FAM222B: variants seen among roughly 807,000 people sequenced by gnomAD.
FAM222B encodes family with sequence similarity 222 member B, also known as protein FAM222B.
FAM222B carries 12 observed loss-of-function variants against 38.0 expected under a neutral mutation model. That is an observed-to-expected ratio of 0.32 (90% CI 0.20 to 0.51). The LOEUF (loss-of-function observed/expected upper bound fraction) is 0.51. FAM222B is among the 20% of genes least tolerant of loss of function. The pLI is 0.97. For missense variants in FAM222B, 716 were observed against 754.2 expected, an observed-to-expected ratio of 0.95 and a Z score of 0.59; for synonymous variants, 329 against 317.2, an observed-to-expected ratio of 1.04 and a Z score of -0.40.
intron 1 of FAM222B, among the ~76,000 whole-genome samples, chr17:28,799,741 TG>T (rs1362037607): frequency 6.6e-6 from 1 of 152,094 alleles, no homozygotes; most frequent in Non-Finnish European, 1.5e-5. Context: ...CTGAGTAAGC[TG>T]GGACTACAGG....
chr17:28,763,202 G>C (rs2035169262), intron 2 of FAM222B, among the ~76,000 whole-genome samples: 2 of 152,204 alleles, frequency 1.3e-5, no homozygotes, highest in African/African-American at 2.4e-5. Context: ...CATACTGAGA[G>C]CCTGTCATTC....
At chr17:28,765,032 AC>A (rs2035263760) in intron 2 of FAM222B, among the ~76,000 whole-genome samples, 3 of 152,186 alleles carry the variant, frequency 2.0e-5, no homozygotes, top group Non-Finnish European at 4.4e-5. Context: ...CACCTTCATC[AC>A]CCAATCATCA....
intron 1 of FAM222B, among the ~76,000 whole-genome samples, chr17:28,771,912 A>T (rs1386115707): frequency 1.3e-5 from 2 of 151,994 alleles, no homozygotes; most frequent in African/African-American, 2.4e-5. Flanking sequence ...AAAATTAGCC[A>T]GGTGTTTGGT....
intron 1 of FAM222B, among the ~76,000 whole-genome samples, chr17:28,828,195 C>A (rs1481813536): frequency 6.8e-6 from 1 of 146,916 alleles, no homozygotes; most frequent in Admixed American, 7.0e-5. Context: ...ACAGCAACCT[C>A]CGCCTCCCGG....
At chr17:28,815,214 CTTT>C (rs71135857) in intron 1 of FAM222B, among the ~76,000 whole-genome samples, 5 of 143,664 alleles carry the variant, frequency 3.5e-5, no homozygotes, top group African/African-American at 5.1e-5. Context: ...TTTATTACAT[CTTT>C]TTTTTTTTTT....
intron 1 of FAM222B, among the ~76,000 whole-genome samples, chr17:28,804,210 TTC>T (rs1281341075): frequency 1.6e-4 from 24 of 152,180 alleles, no homozygotes; most frequent in African/African-American, 5.8e-4. Context: ...ACCACCAGCT[TTC>T]CTGGTTCTCG....
rs1023361198 is a variant in FAM222B at position 28,771,417 on chromosome 17, C to G, written c.-40-4710G>C. On this transcript the variant is annotated intron_variant, in intron 1 of 2. Transcript: ENST00000581407. ...ACAACACTGGCTGGGCGTGGTGGCT[C>G]AAGCCTGTAATCCCAGCACTTTGGG... is the stretch of plus-strand genomic sequence containing the variant. Among the ~76,000 whole-genome samples the G allele has an allele frequency of 3.9e-5, 6 of 152,244 alleles. No individual in the cohort carries two copies. The South Asian group carries it at 8.3e-4, about 21-fold the overall frequency.
intron 1 of FAM222B, among the ~76,000 whole-genome samples, chr17:28,772,044 G>GT (rs1416761706): frequency 1.3e-5 from 2 of 152,066 alleles, no homozygotes; most frequent in Non-Finnish European, 2.9e-5. Flanking sequence ...GCAACAGAGC[G>GT]AGACTATGTC....
At chr17:28,773,998 C>T (rs1248123490) in intron 1 of FAM222B, among the ~76,000 whole-genome samples, 1 of 152,102 alleles carries the variant, frequency 6.6e-6, no homozygotes, top group Non-Finnish European at 1.5e-5. Flanking sequence ...AACAACCTCT[C>T]CCCACAACAT....
At chr17:28,816,129 T>C (rs912103245) in intron 1 of FAM222B, among the ~76,000 whole-genome samples, 1 of 150,688 alleles carries the variant, frequency 6.6e-6, no homozygotes, top group African/African-American at 2.4e-5. Context: ...AAAAAAAAAT[T>C]AGCCCAGTAT....
chr17:28,836,772 C>T (rs182412864), intron 1 of FAM222B, among the ~76,000 whole-genome samples: 10 of 152,238 alleles, frequency 6.6e-5, no homozygotes, highest in East Asian at 1.9e-4. Context: ...CAGGGTGTGG[C>T]GCCGGGCTGT....
chr17:28,842,783 T>TG lies in FAM222B; in HGVS notation c.-143dup, dbSNP rs2039094517. On this transcript the variant is annotated 5_prime_UTR_variant, in exon 1 of 3. Coordinates refer to ENST00000581407, the MANE Select transcript of FAM222B (RefSeq NM_001077498.3). ...GGCCCCTCAGTCACCGGCGCAGCTG[T>TG]GGGGACTACCCGGAGCCGCTCCTGC... 2 of 153,238 alleles carry TG rather than the reference T, an allele frequency of 1.3e-5. No homozygotes were observed. The highest frequency in any genetic ancestry group is 4.8e-5 in the African/African-American group (2 of 41,432). The allele number at this position is 153,238 out of a possible 1,614,324, so 9.5% of individuals were successfully genotyped here.
At chr17:28,772,820 G>A (rs992850750) in intron 1 of FAM222B, among the ~76,000 whole-genome samples, 6 of 152,076 alleles carry the variant, frequency 3.9e-5, no homozygotes, top group African/African-American at 1.4e-4. Context: ...GCTTGAACTG[G>A]GGAGGCGGAG....
At chr17:28,824,520 T>C (rs1266945355) in intron 1 of FAM222B, among the ~76,000 whole-genome samples, 1 of 152,110 alleles carries the variant, frequency 6.6e-6, no homozygotes, top group African/African-American at 2.4e-5. Flanking sequence ...GTCTTACCCA[T>C]ATCAATTAAC....
intron 1 of FAM222B, among the ~76,000 whole-genome samples, chr17:28,837,438 A>AT (rs2038883775): frequency 6.6e-6 from 1 of 151,660 alleles, no homozygotes; most frequent in Non-Finnish European, 1.5e-5. Flanking sequence ...TCAAAAAAAA[A>AT]AAAAATAAAT....
At chr17:28,804,098 T>C (rs2037364149) in intron 1 of FAM222B, among the ~76,000 whole-genome samples, 1 of 152,192 alleles carries the variant, frequency 6.6e-6, no homozygotes, top group African/African-American at 2.4e-5. Context: ...TGTGATTAAG[T>C]AACAAAGGTC....
rs757098267 is a variant in FAM222B, at chr17:28,835,327, A to C, written c.-41+7355T>G. ...TGGGATTACAGGTGTAAGCCACTGC[A>C]TCTGGCCAACAGTGAACTCTTTAAA... On this transcript the variant is annotated intron_variant, in intron 1 of 2. Coordinates refer to ENST00000581407, the MANE Select transcript of FAM222B (RefSeq NM_001077498.3). 9.9e-4 allele frequency among the ~76,000 whole-genome samples: 150 copies of C among 151,988 alleles called. 1 individual carries two copies. Among genetic ancestry groups the C allele is most frequent in the Admixed American group, 3.3e-4 (5 of 15,232 alleles).
chr17:28,773,755 G>GCCACT (rs1276615802), intron 1 of FAM222B, among the ~76,000 whole-genome samples: 1 of 151,244 alleles, frequency 6.6e-6, no homozygotes, highest in Non-Finnish European at 1.5e-5. Flanking sequence ...CCGAGATCAT[G>GCCACT]CCACTCCACT....
At chr17:28,801,310 G>C (rs142279271) in intron 1 of FAM222B, among the ~76,000 whole-genome samples, 1 of 151,266 alleles carries the variant, frequency 6.6e-6, no homozygotes, top group African/African-American at 2.4e-5. Context: ...AAAATTAGCC[G>C]GGCGATGTGG....
Sources: allele counts gnomAD v4.1 joint callset (sites outside exome capture counted in the v4.1 genomes callset), GRCh38; gene constraint gnomAD v4.1.1; transcripts MANE v1.5; gene names NCBI Gene and HGNC (gene_info 2026-07-23, HGNC 2026-07-21).